ELMO1: variants seen among roughly 807,000 people sequenced by gnomAD.
ELMO1 encodes the protein engulfment and cell motility protein 1.
ELMO1 carries 26 observed loss-of-function variants against 98.9 expected under a neutral mutation model. The observed-to-expected ratio is 0.26, with a 90% CI of 0.19 to 0.36. The LOEUF (loss-of-function observed/expected upper bound fraction) is 0.36. Among genes scored for constraint, ELMO1 ranks in the 10% least tolerant of loss-of-function variants. ELMO1 has a pLI of 1.00. For synonymous variants in ELMO1, 346 were observed against 346.0 expected (o/e 1.00, Z 0.00); for missense variants, 627 against 935.2 (o/e 0.67, Z 4.30).
Position 37,446,181 on chromosome 7 carries a change from A to G in ELMO1, c.-74+2494T>C, listed in dbSNP as rs560921454. Among the ~76,000 whole-genome samples, 190 of 152,302 alleles carry G rather than the reference A, an allele frequency of 1.2e-3. 1 individual carries two copies. Among genetic ancestry groups the G allele is most frequent in the Admixed American group, 0.012 (186 of 15,298 alleles). On this transcript the variant is annotated intron_variant, in intron 1 of 21. Coordinates refer to ENST00000310758, the MANE Select transcript of ELMO1 (RefSeq NM_014800.11). ...CTGGTGGATCTCTCCCAGTATAGCC[A>G]CCTCTCATTTAGTCAGTCAACAAAC...
chr7:37,350,007 T>C (rs1441644040), intron 1 of ELMO1, among the ~76,000 whole-genome samples: 1 of 152,156 alleles, frequency 6.6e-6, no homozygotes, highest in Non-Finnish European at 1.5e-5. Context: ...TTGTTTCCCA[T>C]GGGAGCAGCA....
At chr7:37,006,726 C>G (rs990479234) in intron 16 of ELMO1, among the ~76,000 whole-genome samples, 2 of 152,104 alleles carry the variant, frequency 1.3e-5, no homozygotes, top group African/African-American at 2.4e-5. Flanking sequence ...AACTCTCTAG[C>G]GGGGTGATAA....
chr7:36,910,797 ACAGT>A (rs1784293717), intron 16 of ELMO1, among the ~76,000 whole-genome samples: 1 of 152,214 alleles, frequency 6.6e-6, no homozygotes, highest in Non-Finnish European at 1.5e-5. Flanking sequence ...ATGAAGCTAT[ACAGT>A]CAAAGATGAA....
At chr7:37,144,524 T>A (rs1787861359) in intron 13 of ELMO1, among the ~76,000 whole-genome samples, 1 of 152,238 alleles carries the variant, frequency 6.6e-6, no homozygotes, top group East Asian at 1.9e-4. Flanking sequence ...CCACCTGTCT[T>A]GAAATGGAAG....
In ELMO1 at chr7:37,271,824, C is replaced by A. The variant is rs1162780917; in HGVS notation, c.243+8G>T. On this transcript the variant is annotated splice_region_variant and intron_variant, in intron 5 of 21. Transcript: ENST00000310758. ...TTTGCTGGAAGTCAGAAGCTAAGAT[C>A]AACTTACTGGAGATGTGGTTAATCG... 6 of 1,613,430 alleles carry A rather than the reference C, an allele frequency of 3.7e-6. No individual in the cohort carries two copies. The highest frequency in any genetic ancestry group is 5.1e-6 in the Non-Finnish European group (6 of 1,179,764).
chr7:37,193,715 T>C (rs1791791222), intron 13 of ELMO1, among the ~76,000 whole-genome samples: 1 of 152,212 alleles, frequency 6.6e-6, no homozygotes, highest in African/African-American at 2.4e-5. Context: ...GTATCAATTG[T>C]GTTTCCCAGC....
intron 19 of ELMO1, among the ~76,000 whole-genome samples, chr7:36,874,014 C>T (rs3778708): frequency 0.55 from 84,289 of 152,006 alleles, 23,995 homozygotes; most frequent in East Asian, 0.67. Context: ...GCATGAAGAA[C>T]CTGGTCTCTG....
At chr7:36,962,405 G>A (rs1044583414) in intron 16 of ELMO1, among the ~76,000 whole-genome samples, 3 of 152,192 alleles carry the variant, frequency 2.0e-5, no homozygotes, top group Non-Finnish European at 2.9e-5. Flanking sequence ...AATGAAGTAT[G>A]GAAGATGGGT....
rs1486781208 is a variant in ELMO1, at chr7:37,343,728, G to A, written c.-73-965C>T. Among the ~76,000 whole-genome samples, 6 of 152,096 alleles carry A rather than the reference G, an allele frequency of 3.9e-5. No homozygotes were observed. The East Asian group carries it at 1.2e-3, about 30-fold the overall frequency. On this transcript the variant is annotated intron_variant, in intron 1 of 21. Transcript: ENST00000310758. ...AACTCTGGGTAATCTGCCCACCTCA[G>A]CCTCCCAAAGTGCTGCGATTACAGG...
chr7:37,011,082 G>A lies in ELMO1; in HGVS notation c.1437+2217C>T, dbSNP rs559270702. On this transcript the variant is annotated intron_variant, in intron 16 of 21. Coordinates refer to ENST00000310758, the MANE Select transcript of ELMO1 (RefSeq NM_014800.11). ...AATAGAGGTGTGACCCCCAGCATTAGTCTATGATCTGTAAACAATGCAAAA... is the reference window on the plus strand; with the variant it reads ...AATAGAGGTGTGACCCCCAGCATTAATCTATGATCTGTAAACAATGCAAAA... Among the ~76,000 whole-genome samples the A allele has an allele frequency of 7.9e-5, 12 of 152,324 alleles. No individual in the cohort carries two copies. In the South Asian group the frequency reaches 2.5e-3, roughly 32 times the overall value.
At chr7:37,221,182 G>A (rs918951326) in intron 10 of ELMO1, among the ~76,000 whole-genome samples, 20 of 152,046 alleles carry the variant, frequency 1.3e-4, no homozygotes, top group African/African-American at 4.3e-4. Flanking sequence ...CAAATCAAAC[G>A]TCCAGGAAAC....
At chr7:37,166,044 A>G (rs945132119) in intron 13 of ELMO1, among the ~76,000 whole-genome samples, 6 of 152,150 alleles carry the variant, frequency 3.9e-5, no homozygotes, top group African/African-American at 1.4e-4. Context: ...CAGAGATTCA[A>G]CTTCTTCCTG....
At chr7:37,416,465 A>T (rs1334100172) in intron 1 of ELMO1, among the ~76,000 whole-genome samples, 3 of 152,244 alleles carry the variant, frequency 2.0e-5, no homozygotes, top group African/African-American at 7.2e-5. Flanking sequence ...GAACCCCAGA[A>T]AGGACCTATG....
rs907644133 is a variant in ELMO1 at position 36,853,882 on chromosome 7, G to A, written c.*1669C>T. On this transcript the variant is annotated 3_prime_UTR_variant, in exon 22 of 22. Transcript: ENST00000310758. The stretch of plus-strand genomic sequence containing the variant: ...ATGACTTAAGAAACATCCTTCGCTG[G>A]GCTCTGACCTATAATTTATTAACCC... 3.9e-5 allele frequency among the ~76,000 whole-genome samples: 6 copies of A among 152,056 alleles called. 1 individual carries two copies. Among genetic ancestry groups the A allele is most frequent in the Non-Finnish European group, 8.8e-5 (6 of 68,028 alleles).
chr7:36,905,387 G>A (rs914285556), intron 16 of ELMO1, among the ~76,000 whole-genome samples: 1 of 152,144 alleles, frequency 6.6e-6, no homozygotes, highest in African/African-American at 2.4e-5. Context: ...CCTTGGTGGG[G>A]AGGGGATGGT....
intron 15 of ELMO1, among the ~76,000 whole-genome samples, chr7:37,019,524 G>A (rs1794147881): frequency 1.3e-5 from 2 of 152,172 alleles, no homozygotes; most frequent in African/African-American, 4.8e-5. Flanking sequence ...CAGGCTACAC[G>A]TTTATACACG....
chr7:37,015,571 A>C (rs2129175023), intron 15 of ELMO1, among the ~76,000 whole-genome samples: 1 of 152,330 alleles, frequency 6.6e-6, no homozygotes, highest in East Asian at 1.9e-4. Context: ...ACCGCACTCC[A>C]GCCTGGGCGA....
At chr7:37,295,342 T>C (rs1026946492) in intron 4 of ELMO1, among the ~76,000 whole-genome samples, 2 of 152,218 alleles carry the variant, frequency 1.3e-5, no homozygotes, top group African/African-American at 4.8e-5. Flanking sequence ...GCTGTACAAG[T>C]GTCAGTTATA....
chr7:37,399,458 G>A (rs543782308), intron 1 of ELMO1, among the ~76,000 whole-genome samples: 3 of 152,308 alleles, frequency 2.0e-5, no homozygotes, highest in Admixed American at 1.3e-4. Flanking sequence ...CCTTGCACCA[G>A]GCACATGTTA....
Sources: allele counts gnomAD v4.1 joint callset (sites outside exome capture counted in the v4.1 genomes callset), GRCh38; gene constraint gnomAD v4.1.1; transcripts MANE v1.5; gene names NCBI Gene and HGNC (gene_info 2026-07-23, HGNC 2026-07-21).